Variants in PREX1 observed in about 807,000 individuals in gnomAD.
PREX1 encodes phosphatidylinositol 3,4,5-trisphosphate-dependent Rac exchanger 1 protein.
Under a neutral mutation model 198.3 loss-of-function variants are expected in PREX1, and 41 were observed. That is an observed-to-expected ratio of 0.21 (90% confidence interval 0.16 to 0.27). The LOEUF (loss-of-function observed/expected upper bound fraction) is 0.27. Ranked by LOEUF, PREX1 falls within the 10% of genes least tolerant of loss-of-function variation. The pLI is 1.00. For synonymous variants in PREX1, 843 were observed against 887.2 expected, an observed-to-expected ratio of 0.95 and a Z score of 0.89; for missense variants, 1,620 against 2,200.7, an observed-to-expected ratio of 0.74 and a Z score of 5.28.
chr20:48,791,908 C>A (rs1042050031), intron 1 of PREX1, among the ~76,000 whole-genome samples: 3 of 152,252 alleles, frequency 2.0e-5, no homozygotes, highest in African/African-American at 7.2e-5. Context: ...GTCAAGAGAT[C>A]TGGCAATACC....
rs1329025436 is a variant in PREX1 at position 48,653,442 on chromosome 20, A to G, written c.2265T>C (p.Asn755=). 6.2e-7 allele frequency: 1 copy of G among 1,613,748 alleles called. No homozygotes were observed. Among genetic ancestry groups the G allele is most frequent in the African/African-American group, 1.3e-5 (1 of 74,924 alleles). ...CACCATCGTTCATCACGTTGCTGCC[A>G]TTGACCTTCAGAATGCACTGACCAG... ...LCAGQCILKV[N]GSNVMNDGAP... Residue 755 remains asparagine (N), a synonymous_variant, in exon 20 of 40, where the codon AAT becomes AAC. Transcript: ENST00000371941.
chr20:48,631,196 C>T (rs6019324), intron 35 of PREX1, among the ~76,000 whole-genome samples: 19,371 of 152,226 alleles, frequency 0.13, 1,338 homozygotes, highest in African/African-American at 0.18. Flanking sequence ...AAGAGCCCAA[C>T]GGTAAACATT....
intron 10 of PREX1, among the ~76,000 whole-genome samples, chr20:48,683,624 T>C (rs543606754): frequency 6.6e-6 from 1 of 152,314 alleles, no homozygotes; most frequent in South Asian, 2.1e-4. Context: ...AGCCGGGGCC[T>C]GCCGTGTCTA....
chr20:48,853,442 G>A, the PREX1 span, among the ~76,000 whole-genome samples: 2 of 152,180 alleles, frequency 1.3e-5, no homozygotes, highest in Admixed American at 1.3e-4. Context: ...CAGGGGAAAT[G>A]CCAGAGGCTT....
At chr20:48,657,735 C>G (rs1235987872) in intron 17 of PREX1, among the ~76,000 whole-genome samples, 1 of 151,888 alleles carries the variant, frequency 6.6e-6, no homozygotes, top group African/African-American at 2.4e-5. Flanking sequence ...CCGGAAGGCC[C>G]CAGGGCTGAA....
intron 35 of PREX1, 106 bp from the exon 36 acceptor site, chr20:48,630,900 A>C: frequency 1.2e-6 from 1 of 813,770 alleles, no homozygotes; most frequent in Non-Finnish European, 2.0e-6. Context: ...CCCTCTGCCG[A>C]CTCTCAGAAT....
Position 48,636,546 on chromosome 20 carries a change from C to G in PREX1, c.4084G>C (p.Asp1362His), listed in dbSNP as rs371681138. 38 of 1,611,314 alleles carry G rather than the reference C, an allele frequency of 2.4e-5. No homozygotes were observed. The highest frequency in any genetic ancestry group is 2.6e-5 in the Non-Finnish European group (31 of 1,179,616). The change falls in exon 32 of 40, where the codon GAC becomes CAC. Residue 1362 changes from aspartate to histidine, a missense_variant. Physicochemically the swap from Asp to His is moderately conservative, Grantham distance 81 (BLOSUM62 -1). Around this residue, in one of 7 missense-constraint regions of PREX1, gnomAD observed 476 missense variants for 603.4 expected, o/e 0.79. Transcript: ENST00000371941. ...NNGEYEESSRDASRKWLEQVA... is the reference protein window; with the variant it reads ...NNGEYEESSRHASRKWLEQVA... ...TGCTCCAGCCACTTGCGGCTGGCGTCGCGGCTGCTCTCCTCGTACTCGCCA... is the reference window on the plus strand; with the variant it reads ...TGCTCCAGCCACTTGCGGCTGGCGTGGCGGCTGCTCTCCTCGTACTCGCCA...
the PREX1 span, among the ~76,000 whole-genome samples, chr20:48,864,038 T>G: frequency 3.3e-5 from 5 of 152,270 alleles, no homozygotes; most frequent in Non-Finnish European, 7.3e-5. Context: ...ATATCTTGAT[T>G]GCTTCCACGT....
chr20:48,651,733 C>T (rs2089499770), intron 21 of PREX1, 150 bp from the exon 22 acceptor site: 3 of 735,532 alleles, frequency 4.1e-6, no homozygotes, highest in Non-Finnish European at 4.3e-6. Context: ...AGTAGAGAGG[C>T]GAGTGGGGAA....
chr20:48,886,759 A>C, the PREX1 span, among the ~76,000 whole-genome samples: 1 of 152,230 alleles, frequency 6.6e-6, no homozygotes, highest in Non-Finnish European at 1.5e-5. Context: ...CAATCCCACA[A>C]GGTAGGGACT....
Position 48,627,752 on chromosome 20 carries a change from G to A in PREX1, c.4869+109C>T, listed in dbSNP as rs1240132135. The A allele has an allele frequency of 1.7e-5, 23 of 1,389,392 alleles. No homozygotes were observed. In the East Asian group the frequency reaches 5.3e-4, roughly 32 times the overall value. 86.1% of individuals were successfully genotyped at this position (1,389,392 alleles called of 1,614,324 possible). ...CTTGCTCCCCTCCAGATTCAGAGAA[G>A]GCTCAGGTCTGGGGCTGGTGGCTAC... is the stretch of plus-strand genomic sequence containing the variant. On this transcript the variant is annotated intron_variant, in intron 38 of 39. Transcript: ENST00000371941.
chr20:48,877,666 C>T, the PREX1 span, among the ~76,000 whole-genome samples: 24 of 152,274 alleles, frequency 1.6e-4, no homozygotes, highest in Admixed American at 7.2e-4. Context: ...TTAATAAATA[C>T]GAAAGATTAG....
chr20:48,754,719 G>A (rs1390143616), intron 1 of PREX1, among the ~76,000 whole-genome samples: 2 of 141,316 alleles, frequency 1.4e-5, no homozygotes, highest in African/African-American at 2.6e-5. Context: ...TGGGTGGGGG[G>A]AGCTCCAGAA....
chr20:48,740,648 C>T (rs2090076931), intron 3 of PREX1, among the ~76,000 whole-genome samples: 1 of 152,218 alleles, frequency 6.6e-6, no homozygotes, highest in Admixed American at 6.5e-5. Context: ...CTTTAAAACT[C>T]CTGAGACAGA....
intron 29 of PREX1, 90 bp downstream of exon 29, chr20:48,642,078 G>C: frequency 1.5e-6 from 2 of 1,340,424 alleles, no homozygotes; most frequent in Middle Eastern, 1.8e-4. Context: ...AGCAGTAGGA[G>C]GGCAGAGCTG....
intron 1 of PREX1, among the ~76,000 whole-genome samples, chr20:48,819,613 A>G (rs569657575): frequency 1.1e-4 from 17 of 152,368 alleles, no homozygotes; most frequent in South Asian, 4.1e-4. Context: ...TAATGATGAT[A>G]TTGACCTCAG....
At chr20:48,702,207 A>T (rs1216842392) in intron 6 of PREX1, among the ~76,000 whole-genome samples, 3 of 46,476 alleles carry the variant, frequency 6.5e-5, no homozygotes, top group Non-Finnish European at 1.2e-4. Context: ...GACTCTGTCT[A>T]AAAAAAAAAA....
chr20:48,775,224 G>A (rs1048265176), intron 1 of PREX1, among the ~76,000 whole-genome samples: 3 of 152,106 alleles, frequency 2.0e-5, no homozygotes, highest in Non-Finnish European at 4.4e-5. Context: ...CTGCCCTCAC[G>A]GAGCTGATAT....
the PREX1 span, among the ~76,000 whole-genome samples, chr20:48,872,756 T>C: frequency 2.2e-4 from 33 of 151,530 alleles, no homozygotes; most frequent in African/African-American, 6.6e-4. Context: ...AATAAACAAA[T>C]AAATAAATAA....
Sources: gnomAD v4.1 joint callset for allele counts (sites outside exome capture counted in the v4.1 genomes callset) on GRCh38, gnomAD v4.1.1 for gene constraint, gnomAD v4.1.1 regional missense constraint, MANE v1.5 for transcripts, NCBI Gene and HGNC (gene_info 2026-07-23, HGNC 2026-07-21) for gene names.